The following GPC5 variants were observed in gnomAD, a reference collection of about 807,000 sequenced individuals.
GPC5 encodes the protein glypican 5, also known as glypican-5.
GPC5 carries 47 observed loss-of-function variants against 53.9 expected under a neutral mutation model. The ratio of observed to expected loss-of-function variants is 0.87; its 90% CI spans 0.69 to 1.11. The LOEUF (loss-of-function observed/expected upper bound fraction) is 1.11. Among genes scored for constraint, GPC5 ranks in the 50% most tolerant of loss-of-function variants. The probability of loss-of-function intolerance (pLI) is 0.00; values close to 1 mark genes in which losing one functional copy is unlikely to be tolerated. For missense variants in GPC5, 748 were observed against 713.1 expected, an observed-to-expected ratio of 1.05 and a Z score of -0.56; for synonymous variants, 286 against 263.3, an observed-to-expected ratio of 1.09 and a Z score of -0.84.
chr13:92,540,567 A>G (rs1362902491), intron 7 of GPC5, among the ~76,000 whole-genome samples: 8 of 151,960 alleles, frequency 5.3e-5, no homozygotes, highest in Non-Finnish European at 1.0e-4. Flanking sequence ...TGTCTGGGGT[A>G]ATTTATTAAT....
chr13:92,547,423 C>T (rs1882157490), intron 7 of GPC5, among the ~76,000 whole-genome samples: 1 of 152,040 alleles, frequency 6.6e-6, no homozygotes, highest in African/African-American at 2.4e-5. Context: ...GTATTTTTAC[C>T]TGTTTATTTT....
At chr13:92,243,564 A>T (rs1159198220) in intron 7 of GPC5, among the ~76,000 whole-genome samples, 1 of 152,196 alleles carries the variant, frequency 6.6e-6, no homozygotes, top group South Asian at 2.1e-4. Flanking sequence ...ATGGTGAAAG[A>T]AAGAGGAATC....
chr13:91,425,067 G>T (rs1878945312), intron 1 of GPC5, among the ~76,000 whole-genome samples: 1 of 152,120 alleles, frequency 6.6e-6, no homozygotes. Flanking sequence ...ATTGTTAAAT[G>T]AACTGTTTAT....
At chr13:92,285,147 C>T (rs142340715) in intron 7 of GPC5, among the ~76,000 whole-genome samples, 1,871 of 152,160 alleles carry the variant, frequency 0.012, 37 homozygotes, top group Middle Eastern at 0.045. Context: ...ACAATTGCTT[C>T]AAAGAGAATA....
chr13:92,669,184 G>A (rs1424544875), intron 7 of GPC5, among the ~76,000 whole-genome samples: 2 of 152,098 alleles, frequency 1.3e-5, no homozygotes, highest in Non-Finnish European at 2.9e-5. Flanking sequence ...TTTCATTTCT[G>A]TATGTAATCA....
At chr13:92,613,333 A>G (rs367701248) in intron 7 of GPC5, among the ~76,000 whole-genome samples, 1,112 of 106,514 alleles carry the variant, frequency 0.01, 26 homozygotes, top group South Asian at 0.051. Context: ...TTTATATAAT[A>G]TAATATATTT....
Position 91,431,579 on chromosome 13 carries a change from C to A in GPC5, c.164-17182C>A, listed in dbSNP as rs74763305. Reference sequence around the variant, plus strand: ...AATTATATATAAAACACTCTGACCACAAACAGATTATACTCTGTGTTACAA... The same window carrying A: ...AATTATATATAAAACACTCTGACCAAAAACAGATTATACTCTGTGTTACAA... On this transcript the variant is annotated intron_variant, in intron 1 of 7. Transcript: ENST00000377067. Among the ~76,000 whole-genome samples the A allele has an allele frequency of 6.4e-3, 974 of 152,336 alleles. 12 individuals carry two copies. Among genetic ancestry groups the A allele is most frequent in the African/African-American group, 0.022 (917 of 41,578 alleles).
rs544056960 is a variant in GPC5 at position 92,275,322 on chromosome 13, G to A, written c.1561+130333G>A. On this transcript the variant is annotated intron_variant, in intron 7 of 7. Coordinates refer to ENST00000377067, the MANE Select transcript of GPC5 (RefSeq NM_004466.6). ...ATGGATCCAGAGCAATGTGAGCATC[G>A]CCACAGATATGCAAAATCCATTTAA... 6.5e-4 allele frequency among the ~76,000 whole-genome samples: 99 copies of A among 151,964 alleles called. 1 individual carries two copies. Among genetic ancestry groups the A allele is most frequent in the African/African-American group, 2.4e-3 (98 of 41,444 alleles).
chr13:92,810,192 C>A lies in GPC5; in HGVS notation c.1562-56090C>A, dbSNP rs573954584. Among the ~76,000 whole-genome samples, 10 of 151,924 alleles carry A rather than the reference C, an allele frequency of 6.6e-5. No individual in the cohort carries two copies. The East Asian group carries it at 1.6e-3, about 24-fold the overall frequency. On this transcript the variant is annotated intron_variant, in intron 7 of 7. Coordinates refer to ENST00000377067, the MANE Select transcript of GPC5 (RefSeq NM_004466.6). ...ATCAAAGATAATTCTACTAGGTAAT[C>A]ACAAAGTTGTGCTTTTATTAATCAC...
chr13:92,201,761 A>C (rs2042296886), intron 7 of GPC5, among the ~76,000 whole-genome samples: 1 of 152,224 alleles, frequency 6.6e-6, no homozygotes, highest in Non-Finnish European at 1.5e-5. Flanking sequence ...TGAATGACTA[A>C]ATTATGTAGA....
chr13:91,400,879 T>C (rs1876893965), intron 1 of GPC5, among the ~76,000 whole-genome samples: 1 of 152,198 alleles, frequency 6.6e-6, no homozygotes, highest in Non-Finnish European at 1.5e-5. Context: ...TAAAGCTCTG[T>C]CCTAAGGAGA....
At chr13:91,529,884 G>A (rs142006137) in intron 2 of GPC5, among the ~76,000 whole-genome samples, 193 of 152,114 alleles carry the variant, frequency 1.3e-3, no homozygotes, top group African/African-American at 4.4e-3. Flanking sequence ...TCTGAGCTGG[G>A]ACTTCAGCTC....
chr13:92,273,855 T>A (rs1417407196), intron 7 of GPC5, among the ~76,000 whole-genome samples: 6 of 152,104 alleles, frequency 3.9e-5, no homozygotes, highest in Admixed American at 6.6e-5. Flanking sequence ...TTGTATCATA[T>A]GCAATGAAAT....
At chr13:91,924,171 C>T (rs1205110458) in intron 6 of GPC5, among the ~76,000 whole-genome samples, 1 of 151,920 alleles carries the variant, frequency 6.6e-6, no homozygotes, top group Non-Finnish European at 1.5e-5. Flanking sequence ...CAATAATTTC[C>T]CTTCTTAAAA....
chr13:92,794,164 C>A (rs1876568919), intron 7 of GPC5, among the ~76,000 whole-genome samples: 1 of 152,120 alleles, frequency 6.6e-6, no homozygotes, highest in Non-Finnish European at 1.5e-5. Flanking sequence ...TATCCAACAG[C>A]ACATCAAAAA....
intron 2 of GPC5, among the ~76,000 whole-genome samples, chr13:91,655,772 A>C (rs1185104308): frequency 6.6e-6 from 1 of 151,998 alleles, no homozygotes; most frequent in East Asian, 1.9e-4. Context: ...AATGCCTGTC[A>C]GCTAAAGATA....
At chr13:92,628,545 A>T (rs1885131853) in intron 7 of GPC5, among the ~76,000 whole-genome samples, 1 of 152,056 alleles carries the variant, frequency 6.6e-6, no homozygotes, top group South Asian at 2.1e-4. Flanking sequence ...TATCCAAAAC[A>T]GGGAGAAGGG....
At chr13:92,516,112 G>A (rs1169726490) in intron 7 of GPC5, among the ~76,000 whole-genome samples, 2 of 152,008 alleles carry the variant, frequency 1.3e-5, no homozygotes, top group African/African-American at 4.8e-5. Context: ...GCATGCATGG[G>A]TTACTAAAGT....
intron 6 of GPC5, among the ~76,000 whole-genome samples, chr13:92,132,020 C>T (rs1201422211): frequency 6.6e-6 from 1 of 152,072 alleles, no homozygotes; most frequent in African/African-American, 2.4e-5. Flanking sequence ...TTCAATTGTC[C>T]ACCAAGGGCA....
Sources: gnomAD v4.1 joint callset for allele counts (sites outside exome capture counted in the v4.1 genomes callset) on GRCh38, gnomAD v4.1.1 for gene constraint, MANE v1.5 for transcripts, NCBI Gene and HGNC (gene_info 2026-07-23, HGNC 2026-07-21) for gene names.